MDC1: variants seen among roughly 807,000 people sequenced by gnomAD.
MDC1 encodes mediator of DNA damage checkpoint protein 1.
Under a neutral mutation model 142.5 loss-of-function variants are expected in MDC1, and 81 were observed. The ratio of observed to expected loss-of-function variants is 0.57; its 90% confidence interval spans 0.47 to 0.68. The LOEUF is 0.68. Among genes scored for constraint, MDC1 ranks in the 30% least tolerant of loss-of-function variants. MDC1 has a pLI of 0.00. For missense variants in MDC1, 2,119 were observed against 2,547.9 expected (o/e 0.83, Z 3.62); for synonymous variants, 797 against 968.4 (o/e 0.82, Z 3.29).
At position 30,707,694 on chromosome 6, in the gene MDC1, G is replaced by C; in HGVS notation, c.2885C>G (p.Ala962Gly). The C allele has an allele frequency of 6.2e-7, 1 of 1,613,086 alleles. No homozygotes were observed. The highest frequency in any genetic ancestry group is 8.5e-7 in the Non-Finnish European group (1 of 1,180,030). ...CCCAGGCTCTGGTGTTGGGCTGGAG[G>C]CCTGCCCTTTCTGGTCCTGGCTCCC... ...EGGSQDQKGQ[A>G]SSPTPEPGVG... Residue 962 changes from alanine to glycine, a missense_variant, in exon 8 of 15, where the codon GCC becomes GGC. Coordinates refer to ENST00000376406, the MANE Select transcript of MDC1 (RefSeq NM_014641.3).
At chr6:30,710,145 G>A (rs193020237) in intron 7 of MDC1, among the ~76,000 whole-genome samples, 49 of 152,194 alleles carry the variant, frequency 3.2e-4, no homozygotes, top group African/African-American at 1.1e-3. Context: ...TTGGAGTGCA[G>A]TGGTGTGACC....
In MDC1 at chr6:30,705,100, C is replaced by T. The variant is rs983520418; in HGVS notation, c.4083G>A (p.Lys1361=). The T allele has an allele frequency of 6.2e-7, 1 of 1,612,252 alleles. No individual in the cohort carries two copies. The highest frequency in any genetic ancestry group is 1.7e-5 in the Admixed American group (1 of 59,820). Residue 1361 remains lysine, a synonymous_variant, in exon 10 of 15, where the codon AAG becomes AAA. Transcript: ENST00000376406. ...CTATAGGGACAGTTGATTCAGGGTT[C>T]TTCACAGAGGACATATTTGTCCTGC... ...TRSRTNMSSV[K]NPESTVPIAP...
Position 30,715,946 on chromosome 6 carries a change from G to A in MDC1, c.-3-768C>T, listed in dbSNP as rs1385813234. Reference sequence around the variant, plus strand: ...GTTAAGACTTGCCCCAAATCACTCAGATGTCTCTCCTCTAAAATCTTGATG... The same window carrying A: ...GTTAAGACTTGCCCCAAATCACTCAAATGTCTCTCCTCTAAAATCTTGATG... On this transcript the variant is annotated intron_variant, in intron 1 of 14. Transcript: ENST00000376406. This position sits in a 1 kb window ranked among gnomAD's most constrained non-coding sequence, Gnocchi z 4.1. Among the ~76,000 whole-genome samples, 1 of 152,120 alleles carries A rather than the reference G, an allele frequency of 6.6e-6. No homozygotes were observed. Among genetic ancestry groups the A allele is most frequent in the East Asian group, 1.9e-4 (1 of 5,196 alleles).
intron 14 of MDC1, 39 bp from the exon 15 acceptor site, chr6:30,700,671 G>C: frequency 6.2e-7 from 1 of 1,608,882 alleles, no homozygotes; most frequent in Non-Finnish European, 8.5e-7. Flanking sequence ...AGGTGAAAAA[G>C]AATCCTAGAA....
chr6:30,702,280 A>AAAAG (rs1562073140), intron 14 of MDC1, among the ~76,000 whole-genome samples: 3 of 132,552 alleles, frequency 2.3e-5, no homozygotes, highest in South Asian at 2.6e-4. Context: ...AAAAAAAAAA[A>AAAAG]AGAAAATCAA....
chr6:30,703,539 T>C lies in MDC1; in HGVS notation c.5563-2A>G. On this transcript the variant is annotated splice_acceptor_variant, in intron 10 of 14. Transcript: ENST00000376406. LOFTEE classifies it high-confidence loss of function. This position sits in a 1 kb window ranked among gnomAD's most constrained non-coding sequence, Gnocchi z 4.4. Reference sequence around the variant, plus strand: ...GCCTGGTTTTGGAGTCACGACATCCTGAGATTGAGAAAAATCTTGGTGGGA... The same window carrying C: ...GCCTGGTTTTGGAGTCACGACATCCCGAGATTGAGAAAAATCTTGGTGGGA... 6.2e-7 allele frequency: 1 copy of C among 1,613,014 alleles called. No individual in the cohort carries two copies.
rs996502128 is a variant in MDC1 at position 30,704,435 on chromosome 6, G to A, written c.4748C>T (p.Ser1583Phe). ...PIAPELQPST[S>F]RNQLVTPEPT... is the part of the protein sequence containing the mutation. ...CTCAGGGGTGACAAGCTGGTTTCTG[G>A]AGGTGGAAGGCTGAAGCTCAGGGGC... Residue 1583 changes from serine to phenylalanine, a missense_variant, in exon 10 of 15, where the codon TCC (serine) becomes TTC (phenylalanine). Coordinates refer to ENST00000376406, the MANE Select transcript of MDC1 (RefSeq NM_014641.3). 14 of 1,612,388 alleles carry A rather than the reference G, an allele frequency of 8.7e-6. No homozygotes were observed. The highest frequency in any genetic ancestry group is 1.0e-5 in the Non-Finnish European group (12 of 1,179,522).
At chr6:30,708,461 G>A (rs1478080099) in intron 7 of MDC1, 104 bp from the exon 8 acceptor site, 1 of 842,576 alleles carries the variant, frequency 1.2e-6, no homozygotes. Context: ...TGATGAGAAA[G>A]GATTTAGATA....
chr6:30,716,943 G>A lies in MDC1; in HGVS notation c.-4+302C>T. ...GGTAGGGAAAGTAGGATGCCCCATGGATAAAGTGTCAACTCCGTCTTTATG... is the reference window on the plus strand; with the variant it reads ...GGTAGGGAAAGTAGGATGCCCCATGAATAAAGTGTCAACTCCGTCTTTATG... On this transcript the variant is annotated intron_variant, in intron 1 of 14. Coordinates refer to ENST00000376406, the MANE Select transcript of MDC1 (RefSeq NM_014641.3). This position sits in a 1 kb window ranked among gnomAD's most constrained non-coding sequence, Gnocchi z 4.4. 1.0e-6 allele frequency: 1 copy of A among 984,466 alleles called. No homozygotes were observed. The highest frequency in any genetic ancestry group is 1.2e-6 in the Non-Finnish European group (1 of 829,096). 61.0% of individuals were successfully genotyped at this position (984,466 alleles called of 1,614,324 possible). A position where few individuals can be genotyped will look rare whatever the true frequency, so the allele number is the denominator to read the frequency against.
rs1459576190 is a variant in MDC1 at position 30,717,248 on chromosome 6, C to T, written c.-7G>A. 1.3e-5 allele frequency: 2 copies of T among 152,218 alleles called. No homozygotes were observed. The highest frequency in any genetic ancestry group is 1.3e-4 in the Admixed American group (2 of 15,282). The allele number at this position is 152,218 out of a possible 1,614,324, so 9.4% of individuals were successfully genotyped here. A position where few individuals can be genotyped will look rare whatever the true frequency, so the allele number is the denominator to read the frequency against. ...GGGCCAGGCCCCTAGAACTCACCTA[C>T]TTTAAGTCCCCGCGCGCGCCACCAG... is the stretch of plus-strand genomic sequence containing the variant. On this transcript the variant is annotated 5_prime_UTR_variant, in exon 1 of 15. Coordinates refer to ENST00000376406, the MANE Select transcript of MDC1 (RefSeq NM_014641.3).
chr6:30,714,967 T>C, intron 2 of MDC1, 73 bp downstream of exon 2: 1 of 1,554,740 alleles, frequency 6.4e-7, no homozygotes, highest in Non-Finnish European at 8.8e-7. Flanking sequence ...ATAAGCTTCT[T>C]GCAACCCTCC....
chr6:30,707,914 T>A lies in MDC1; in HGVS notation c.2665A>T (p.Ser889Cys). The change falls in exon 8 of 15, where the codon AGT becomes TGT. Residue 889 changes from serine to cysteine, a missense_variant. Physicochemically the swap from Ser to Cys is moderately radical, Grantham distance 112. Transcript: ENST00000376406. ...GATGTCTCAATTTCTACCTTCAAAC[T>A]CTCCCTATCTCTTTCAGGACTTGCA... is the stretch of plus-strand genomic sequence containing the variant. ...ESASPERDRE[S>C]LKVEIETSEE... is the part of the protein sequence containing the mutation. The A allele has an allele frequency of 6.2e-7, 1 of 1,613,084 alleles. No individual in the cohort carries two copies. The highest frequency in any genetic ancestry group is 8.5e-7 in the Non-Finnish European group (1 of 1,180,026).
rs756890775 is a variant in MDC1, at chr6:30,713,699, C to T, written c.536G>A (p.Arg179His). 2.6e-5 allele frequency: 42 copies of T among 1,614,018 alleles called. No homozygotes were observed. The highest frequency in any genetic ancestry group is 1.3e-4 in the African/African-American group (10 of 74,908). ...EEEVDFLSER[R>H]MVKKSRTTSS... ...TGTGGTCCTTGATTTTTTTACCATA[C>T]GCCTTTCAGAAAGAAAATCTGTCAA... Residue 179 changes from arginine (R) to histidine (H), a missense_variant, in exon 4 of 15, where the codon CGT (arginine) becomes CAT (histidine). Coordinates refer to ENST00000376406, the MANE Select transcript of MDC1 (RefSeq NM_014641.3). This position sits in a 1 kb window ranked among gnomAD's most constrained non-coding sequence, Gnocchi z 4.9.
chr6:30,704,349 C>T lies in MDC1; in HGVS notation c.4834G>A (p.Val1612Ile), dbSNP rs762108254. 6.2e-6 allele frequency: 10 copies of T among 1,613,042 alleles called. No individual in the cohort carries two copies. Among genetic ancestry groups the T allele is most frequent in the Non-Finnish European group, 7.6e-6 (9 of 1,179,634 alleles). Residue 1612 changes from valine (V) to isoleucine (I), a missense_variant, in exon 10 of 15, where the codon GTT (valine) becomes ATT (isoleucine). Transcript: ENST00000376406. ...NRSSVKTPEPVVPTAPEPHPT... is the reference protein window; with the variant it reads ...NRSSVKTPEPIVPTAPEPHPT... ...TGGGGCTCAGGGGCTGTGGGGACAA[C>T]TGGCTCAGGGGTCTTGACAGAGGAC...
Position 30,714,317 on chromosome 6 carries a change from C to T in MDC1, c.137-134G>A, listed in dbSNP as rs115622562. ...AGAAAAATAAAAGGCCCTAGGACAT[C>T]TAGGCACTGAAAGAGTATATGCGAT... On this transcript the variant is annotated intron_variant, in intron 2 of 14. Transcript: ENST00000376406. The T allele has an allele frequency of 4.3e-4, 409 of 942,578 alleles. 1 individual carries two copies. The African/African-American group carries it at 5.9e-3, about 14-fold the overall frequency. 58.4% of individuals were successfully genotyped at this position (942,578 alleles called of 1,614,324 possible). A position where few individuals can be genotyped will look rare whatever the true frequency, so the allele number is the denominator to read the frequency against.
In MDC1 at chr6:30,716,820, C is replaced by T; in HGVS notation, c.-4+425G>A. The T allele has an allele frequency of 1.2e-6, 1 of 802,598 alleles. No individual in the cohort carries two copies. 49.7% of individuals were successfully genotyped at this position (802,598 alleles called of 1,614,324 possible). A position where few individuals can be genotyped will look rare whatever the true frequency, so the allele number is the denominator to read the frequency against. On this transcript the variant is annotated intron_variant, in intron 1 of 14. Coordinates refer to ENST00000376406, the MANE Select transcript of MDC1 (RefSeq NM_014641.3). The surrounding 1 kb of genome is among the most constrained non-coding windows in gnomAD (Gnocchi z 4.4). Reference sequence around the variant, plus strand: ...CGACCCTGCCCTCGGGAAGGCTCATCACCGAGCCTACTGATGAAGGAACAA... The same window carrying T: ...CGACCCTGCCCTCGGGAAGGCTCATTACCGAGCCTACTGATGAAGGAACAA...
rs754952210 is a variant in MDC1, at chr6:30,703,376, T to G, written c.5682+42A>C. On this transcript the variant is annotated intron_variant, in intron 11 of 14. Coordinates refer to ENST00000376406, the MANE Select transcript of MDC1 (RefSeq NM_014641.3). This position sits in a 1 kb window ranked among gnomAD's most constrained non-coding sequence, Gnocchi z 4.4. ...CTCTAGGTCTCCTTGCATCCTCCCC[T>G]CATCTCTGTCTCCCACAAAGTCCCA... 6.2e-7 allele frequency: 1 copy of G among 1,613,298 alleles called. No individual in the cohort carries two copies. Among genetic ancestry groups the G allele is most frequent in the East Asian group, 2.2e-5 (1 of 44,904 alleles).
In MDC1 at chr6:30,706,026, G is replaced by A. The variant is rs1387652060; in HGVS notation, c.3157C>T (p.Leu1053Phe). 1 of 1,605,502 alleles carries A rather than the reference G, an allele frequency of 6.2e-7. No individual in the cohort carries two copies. Among genetic ancestry groups the A allele is most frequent in the Non-Finnish European group, 8.5e-7 (1 of 1,179,870 alleles). Residue 1053 changes from leucine (L) to phenylalanine (F), a missense_variant, in exon 10 of 15, where the codon CTT becomes TTT. Physicochemically the swap from Leu to Phe is conservative, Grantham distance 22. Coordinates refer to ENST00000376406, the MANE Select transcript of MDC1 (RefSeq NM_014641.3). ...PEAPAPPQKP[L>F]NSQSQKHLAP... is the part of the protein sequence containing the mutation. ...AGATGTTTCTGGCTCTGAGAGTTAA[G>A]GGGCTTTTGGGGTGGGGCTGGGGCT...
Position 30,712,777 on chromosome 6 carries a change from C to G in MDC1, c.1165G>C (p.Val389Leu). 1 of 1,613,036 alleles carries G rather than the reference C, an allele frequency of 6.2e-7. No homozygotes were observed. Residue 389 changes from valine to leucine, a missense_variant, in exon 5 of 15, where the codon GTC (valine) becomes CTC (leucine). Transcript: ENST00000376406. The surrounding 1 kb of genome is among the most constrained non-coding windows in gnomAD (Gnocchi z 4.7). ...GAAGCTTGGCTTTTCTCCAGAGGGA[C>G]AGCCTGTGGGGCCTTGCCTTCTTCC... ...DVEEGKAPQA[V>L]PLEKSQASMV...
Sources: allele counts gnomAD v4.1 joint callset (sites outside exome capture counted in the v4.1 genomes callset), GRCh38; gene constraint gnomAD v4.1.1; non-coding constraint Gnocchi (gnomAD v3.1); transcripts MANE v1.5; gene names NCBI Gene and HGNC (gene_info 2026-07-23, HGNC 2026-07-21).